The following FSTL3 variants were observed in gnomAD, a reference collection of about 807,000 sequenced individuals.
FSTL3 encodes follistatin like 3.
A neutral mutation model predicts 28.1 loss-of-function variants in FSTL3; 21 were observed. That is an observed-to-expected ratio of 0.75 (90% CI 0.53 to 1.08). The LOEUF is 1.08. FSTL3 is among the 50% of genes least tolerant of loss of function. FSTL3 has a pLI of 0.00. For missense variants in FSTL3, 400 were observed against 380.9 expected (o/e 1.05, Z -0.42); for synonymous variants, 199 against 164.2 (o/e 1.21, Z -1.62).
At chr19:680,595 G>C in intron 3 of FSTL3, 106 bp downstream of exon 3, 5 of 476,242 alleles carry the variant, frequency 1.0e-5, no homozygotes, top group East Asian at 1.2e-4. Flanking sequence ...CCTGGGGCGG[G>C]ACCACCCGGA....
At chr19:678,140 C>T (rs1304877501) in intron 2 of FSTL3, 163 bp downstream of exon 2, 6 of 653,534 alleles carry the variant, frequency 9.2e-6, no homozygotes, top group East Asian at 2.8e-5. Flanking sequence ...GGGGACTTCC[C>T]GGTTCCCAGG....
In FSTL3 at chr19:677,783, G is replaced by C; in HGVS notation, c.104-9G>C. ...GGCCCAGGAGAGCACCCCGTTCCCC[G>C]GCCCGCAGGTGGTGTTTGCTGGCTC... On this transcript the variant is annotated splice_polypyrimidine_tract_variant and intron_variant, in intron 1 of 4. Transcript: ENST00000166139. 1 of 1,601,738 alleles carries C rather than the reference G, an allele frequency of 6.2e-7. No individual in the cohort carries two copies. Among genetic ancestry groups the C allele is most frequent in the Non-Finnish European group, 8.5e-7 (1 of 1,176,860 alleles).
chr19:678,560 G>A (rs1309899436), intron 2 of FSTL3, among the ~76,000 whole-genome samples: 1 of 146,366 alleles, frequency 6.8e-6, no homozygotes, highest in African/African-American at 2.6e-5. Context: ...ACCCAGGCTG[G>A]AGTGCAGTGG....
At chr19:680,956 A>C (rs1246202774) in intron 3 of FSTL3, 3 of 248,036 alleles carry the variant, frequency 1.2e-5, no homozygotes, top group Admixed American at 1.2e-4. Context: ...TGATGGAACC[A>C]GGGGGGTGAG....
At position 680,322 on chromosome 19, in the gene FSTL3, T is replaced by TG; in HGVS notation, c.344dup (p.Arg116ProfsTer57). The TG allele has an allele frequency of 3.9e-6, 5 of 1,282,374 alleles. No individual in the cohort carries two copies. Among genetic ancestry groups the TG allele is most frequent in the Non-Finnish European group, 4.9e-6 (5 of 1,019,210 alleles). 79.4% of individuals were successfully genotyped at this position (1,282,374 alleles called of 1,614,324 possible). On this transcript the variant is annotated frameshift_variant, in exon 3 of 5. Transcript: ENST00000166139. LOFTEE classifies it high-confidence loss of function. ...GGCCCGGGCAAGGCGTGCCGCATGC[T>TG]GGGGGGCCGCCCGCGCTGCGAGTGC...
intron 1 of FSTL3, among the ~76,000 whole-genome samples, chr19:676,859 C>T (rs1394083327): frequency 6.6e-6 from 1 of 152,134 alleles, no homozygotes; most frequent in Non-Finnish European, 1.5e-5. Flanking sequence ...CTGTAGCAGG[C>T]AAAGCCAGGG....
intron 2 of FSTL3, among the ~76,000 whole-genome samples, chr19:678,515 T>TG (rs983129620): frequency 8.2e-6 from 1 of 122,404 alleles, no homozygotes; most frequent in Non-Finnish European, 1.7e-5. Flanking sequence ...TTTTTTTTTT[T>TG]TTTTTTTTTT....
rs2031303094 is a variant in FSTL3 at position 680,412 on chromosome 19, G to A, written c.428G>A (p.Arg143His). 2 of 1,271,974 alleles carry A rather than the reference G, an allele frequency of 1.6e-6. No homozygotes were observed. The highest frequency in any genetic ancestry group is 2.0e-6 in the Non-Finnish European group (2 of 1,011,170). 78.8% of individuals were successfully genotyped at this position (1,271,974 alleles called of 1,614,324 possible). The change falls in exon 3 of 5, where the codon CGC (arginine) becomes CAC (histidine). Residue 143 changes from arginine to histidine, a missense_variant. Physicochemically the swap from Arg to His is conservative, Grantham distance 29. Transcript: ENST00000166139. ...TGCGGCTCAGACGGCGCCACCTACC[G>A]CGACGAGTGCGAGCTGCGCGCCGCG... ...QVCGSDGATY[R>H]DECELRAARC...
chr19:676,503 T>G lies in FSTL3; in HGVS notation c.80T>G (p.Met27Arg). 1 of 1,121,972 alleles carries G rather than the reference T, an allele frequency of 8.9e-7. No homozygotes were observed. The highest frequency in any genetic ancestry group is 1.1e-6 in the Non-Finnish European group (1 of 918,720). The allele number at this position is 1,121,972 out of a possible 1,614,324, so 69.5% of individuals were successfully genotyped here. Residue 27 changes from methionine to arginine, a missense_variant, in exon 1 of 5, where the codon ATG becomes AGG. Physicochemically the swap from Met to Arg is moderately conservative, Grantham distance 91. Transcript: ENST00000166139. ...TGGGCCGTGGGCTTCGTGAGCTCCA[T>G]GGGCTCGGGGAACCCCGCGCCCGGT... is the stretch of plus-strand genomic sequence containing the variant. The part of the protein sequence containing the change: ...LAWAVGFVSS[M>R]GSGNPAPGGV...
At chr19:677,609 A>G in intron 1 of FSTL3, among the ~76,000 whole-genome samples, 183 bp from the exon 2 acceptor site, 1 of 150,534 alleles carries the variant, frequency 6.6e-6, no homozygotes, top group Admixed American at 6.6e-5. Flanking sequence ...AGAGGGGAGG[A>G]GACATTTCCA....
rs765265399 is a variant in FSTL3 at position 681,451 on chromosome 19, G to C, written c.624G>C (p.Gln208His). ...GCCCTGTGCCCTCCAGCCCCGGCCA[G>C]GAGCTTTGCGGCAACAACAACGTCA... ...APCPVPSSPG[Q>H]ELCGNNNVTY... The change falls in exon 4 of 5, where the codon CAG (glutamine) becomes CAC (histidine). Residue 208 changes from glutamine (Q) to histidine (H), a missense_variant. Transcript: ENST00000166139. 3 of 1,599,926 alleles carry C rather than the reference G, an allele frequency of 1.9e-6. No homozygotes were observed. Among genetic ancestry groups the C allele is most frequent in the Admixed American group, 3.3e-5 (2 of 59,888 alleles).
At chr19:676,551 GGC>G in intron 1 of FSTL3, 25 bp downstream of exon 1, 1 of 839,526 alleles carries the variant, frequency 1.2e-6, no homozygotes, top group Non-Finnish European at 1.5e-6. Flanking sequence ...CAGAGGGGCG[GGC>G]GGGGCGGGCC....
chr19:678,696 A>C (rs1316696581), intron 2 of FSTL3, among the ~76,000 whole-genome samples: 4 of 151,872 alleles, frequency 2.6e-5, no homozygotes, highest in African/African-American at 4.8e-5. Context: ...TTTTTGGTAG[A>C]GACAGGGTTT....
At position 677,951 on chromosome 19, in the gene FSTL3, G is replaced by C; in HGVS notation, c.263G>C (p.Gly88Ala). ...GNKINLLGFL[G>A]LVHCLPCKDS... ...AAGATCAACCTCCTCGGCTTCTTGG[G>C]CCTTGTCCACTGCCTTCCCTGCAAA... Residue 88 changes from glycine to alanine, a missense_variant, in exon 2 of 5, where the codon GGC (glycine) becomes GCC (alanine). Transcript: ENST00000166139. The C allele has an allele frequency of 6.2e-7, 1 of 1,613,392 alleles. No homozygotes were observed. Among genetic ancestry groups the C allele is most frequent in the Non-Finnish European group, 8.5e-7 (1 of 1,179,962 alleles).
chr19:677,993 AGAAG>A lies in FSTL3; in HGVS notation c.289+17_289+20del. Reference sequence around the variant, plus strand: ...CCCTGCAAAGGTGAGACCTCAGGCCAGAAGCAGGGCAGACGTCTCAGCTCAGGAC... The same window carrying A: ...CCCTGCAAAGGTGAGACCTCAGGCCACAGGGCAGACGTCTCAGCTCAGGAC... On this transcript the variant is annotated intron_variant, in intron 2 of 4. Coordinates refer to ENST00000166139, the MANE Select transcript of FSTL3 (RefSeq NM_005860.3). 1 of 1,609,704 alleles carries A rather than the reference AGAAG, an allele frequency of 6.2e-7. No homozygotes were observed. The highest frequency in any genetic ancestry group is 8.5e-7 in the Non-Finnish European group (1 of 1,177,974).
chr19:681,348 TG>T lies in FSTL3; in HGVS notation c.523del (p.Val175CysfsTer157). 6.3e-7 allele frequency: 1 copy of T among 1,575,980 alleles called. No homozygotes were observed. Among genetic ancestry groups the T allele is most frequent in the South Asian group, 1.1e-5 (1 of 88,230 alleles). Reference protein sequence around the residue: ...RGRCRKSCEHVVCPRPQSCVV... With the variant: ...RGRCRKSCEHXVCPRPQSCVV... ...CGGCCTGCAGAGTCCTGTGAGCACG[TG>T]GTGTGCCCGCGGCCACAGTCGTGCG... On this transcript the variant is annotated frameshift_variant, in exon 4 of 5. Coordinates refer to ENST00000166139, the MANE Select transcript of FSTL3 (RefSeq NM_005860.3). LOFTEE classifies it high-confidence loss of function.
At chr19:680,959 G>T (rs886454619) in intron 3 of FSTL3, 1 of 313,052 alleles carries the variant, frequency 3.2e-6, no homozygotes, top group East Asian at 6.5e-5. Context: ...TGGAACCAGG[G>T]GGGTGAGACT....
rs1426469883 is a variant in FSTL3 at position 676,582 on chromosome 19, G to T, written c.103+56G>T. The T allele has an allele frequency of 8.0e-6, 5 of 621,652 alleles. No individual in the cohort carries two copies. The African/African-American group carries it at 9.8e-5, about 12-fold the overall frequency. The allele number at this position is 621,652 out of a possible 1,614,324, so 38.5% of individuals were successfully genotyped here. ...GCGGGCCACCCACGTGGGGCTGCGC[G>T]GAATGCGGCCGGGGGGACGTCGGGG... On this transcript the variant is annotated intron_variant, in intron 1 of 4. Coordinates refer to ENST00000166139, the MANE Select transcript of FSTL3 (RefSeq NM_005860.3).
At position 683,055 on chromosome 19, in the gene FSTL3, A is replaced by T. The variant is rs1364449035; in HGVS notation, c.*1347A>T. The T allele has an allele frequency of 1.3e-5, 3 of 233,028 alleles. No individual in the cohort carries two copies. Among genetic ancestry groups the T allele is most frequent in the African/African-American group, 4.4e-5 (2 of 45,308 alleles). 14.4% of individuals were successfully genotyped at this position (233,028 alleles called of 1,614,324 possible). A position where few individuals can be genotyped will look rare whatever the true frequency, so the allele number is the denominator to read the frequency against. On this transcript the variant is annotated 3_prime_UTR_variant, in exon 5 of 5. Transcript: ENST00000166139. ...GCAGCCGGGGCTGGCGACACCAGCC[A>T]GGTGCTGGTCTTGGGCCAGTTCTCC...
Sources: gnomAD v4.1 joint callset for allele counts (sites outside exome capture counted in the v4.1 genomes callset) on GRCh38, gnomAD v4.1.1 for gene constraint, MANE v1.5 for transcripts, NCBI Gene and HGNC (gene_info 2026-07-23, HGNC 2026-07-21) for gene names.